AGFG2: variants seen among roughly 807,000 people sequenced by gnomAD.
AGFG2 encodes ArfGAP with FG repeats 2, also known as arf-GAP domain and FG repeat-containing protein 2.
Under a neutral mutation model 48.0 loss-of-function variants are expected in AGFG2, and 31 were observed. That is an observed-to-expected ratio of 0.65 (90% CI 0.49 to 0.87). The LOEUF (loss-of-function observed/expected upper bound fraction) is 0.87. AGFG2 is among the 40% of genes least tolerant of loss of function. AGFG2 has a pLI of 0.00. For missense variants in AGFG2, 599 were observed against 632.6 expected, an observed-to-expected ratio of 0.95 and a Z score of 0.57; for synonymous variants, 229 against 260.8, an observed-to-expected ratio of 0.88 and a Z score of 1.18.
At position 100,548,875 on chromosome 7, in the gene AGFG2, C is replaced by T; in HGVS notation, c.275C>T (p.Thr92Ile). Reference protein sequence around the residue: ...RVKSISMTTFTEPEVVFLQSR... With the variant: ...RVKSISMTTFIEPEVVFLQSR... ...AAGTCAATCTCCATGACAACTTTCACTGAGCCTGAAGTAGTATTCCTGCAA... is the reference window on the plus strand; with the variant it reads ...AAGTCAATCTCCATGACAACTTTCATTGAGCCTGAAGTAGTATTCCTGCAA... Residue 92 changes from threonine to isoleucine, a missense_variant, in exon 2 of 12, where the codon ACT becomes ATT. Transcript: ENST00000300176. 6.2e-7 allele frequency: 1 copy of T among 1,613,846 alleles called. No individual in the cohort carries two copies. The highest frequency in any genetic ancestry group is 8.5e-7 in the Non-Finnish European group (1 of 1,179,854).
chr7:100,558,829 C>G (rs1800810747), intron 6 of AGFG2, among the ~76,000 whole-genome samples: 1 of 152,134 alleles, frequency 6.6e-6, no homozygotes, highest in Non-Finnish European at 1.5e-5. Flanking sequence ...TGTCCACTAT[C>G]TGGCTGTCTC....
At position 100,562,509 on chromosome 7, in the gene AGFG2, G is replaced by C; in HGVS notation, c.999-85G>C. On this transcript the variant is annotated intron_variant, in intron 7 of 11. Transcript: ENST00000300176. The surrounding 1 kb of genome is among the most constrained non-coding windows in gnomAD (Gnocchi z 5.4). The stretch of plus-strand genomic sequence containing the variant: ...CCTCCTCTCCCTTACTCACCCTGGA[G>C]AGCAGGGTTGGCATCTCCTGGCCCC... The C allele has an allele frequency of 1.9e-6, 3 of 1,604,408 alleles. No homozygotes were observed. Among genetic ancestry groups the C allele is most frequent in the Non-Finnish European group, 2.6e-6 (3 of 1,174,100 alleles).
At chr7:100,545,552 G>T (rs1800495185) in intron 1 of AGFG2, among the ~76,000 whole-genome samples, 1 of 152,168 alleles carries the variant, frequency 6.6e-6, no homozygotes, top group Non-Finnish European at 1.5e-5. Context: ...CTGGCTGGAG[G>T]CTTGAGTCCT....
chr7:100,553,883 G>A (rs533696030), intron 4 of AGFG2, among the ~76,000 whole-genome samples: 1 of 152,308 alleles, frequency 6.6e-6, no homozygotes, highest in African/African-American at 2.4e-5. Flanking sequence ...AAAATGTGTG[G>A]TTCTTGGAGC....
In AGFG2 at chr7:100,562,869, C is replaced by T. The variant is rs34731997; in HGVS notation, c.1094C>T (p.Thr365Ile). The T allele has an allele frequency of 6.2e-7, 1 of 1,614,132 alleles. No homozygotes were observed. Among genetic ancestry groups the T allele is most frequent in the Non-Finnish European group, 8.5e-7 (1 of 1,179,968 alleles). ...CCCCATTCCACCTGGGCAGCCTTCA[C>T]TAACCCTTTCACAGCTCCCGCCGCC... ...SSTGLAFGAF[T>I]NPFTAPAAQS... The change falls in exon 9 of 12, where the codon ACT becomes ATT. Residue 365 changes from threonine to isoleucine, a missense_variant. Transcript: ENST00000300176. This position sits in a 1 kb window ranked among gnomAD's most constrained non-coding sequence, Gnocchi z 5.4.
Position 100,562,312 on chromosome 7 carries a change from C to G in AGFG2, c.931C>G (p.Pro311Ala). Residue 311 changes from proline to alanine, a missense_variant, in exon 7 of 12, where the codon CCA (proline) becomes GCA (alanine). By Grantham distance (27) the Pro-to-Ala change is conservative. Coordinates refer to ENST00000300176, the MANE Select transcript of AGFG2 (RefSeq NM_006076.5). This position sits in a 1 kb window ranked among gnomAD's most constrained non-coding sequence, Gnocchi z 5.4. ...GATPLAPASQPNSLADVGSFL... is the reference protein window; with the variant it reads ...GATPLAPASQANSLADVGSFL... ...CACTCCCCTGGCACCCGCCAGTCAG[C>G]CAAACAGCCTCGCAGACGTGGGCAG... 1 of 1,614,132 alleles carries G rather than the reference C, an allele frequency of 6.2e-7. No individual in the cohort carries two copies. The highest frequency in any genetic ancestry group is 8.5e-7 in the Non-Finnish European group (1 of 1,180,020).
chr7:100,559,739 GC>G (rs1800825030), intron 6 of AGFG2, among the ~76,000 whole-genome samples: 1 of 151,262 alleles, frequency 6.6e-6, no homozygotes, highest in African/African-American at 2.4e-5. Flanking sequence ...AATCAGCTGA[GC>G]CCTGAAGGTC....
chr7:100,555,491 T>C, intron 5 of AGFG2, 119 bp from the exon 6 acceptor site: 1 of 1,130,736 alleles, frequency 8.8e-7, no homozygotes. Context: ...CAGGCTGGTC[T>C]TGAACTTCTG....
intron 1 of AGFG2, among the ~76,000 whole-genome samples, chr7:100,546,519 T>G (rs962453084): frequency 3.9e-5 from 6 of 152,346 alleles, no homozygotes; most frequent in African/African-American, 1.4e-4. Flanking sequence ...AGAAGTACCT[T>G]TGTCCAGGCT....
In AGFG2 at chr7:100,563,911, T is replaced by C; in HGVS notation, c.1249T>C (p.Phe417Leu). ...VPPTGAFASSFPAPLFPPQTP... is the reference protein window; with the variant it reads ...VPPTGAFASSLPAPLFPPQTP... ...ACCCACTGGGGCCTTTGCCAGCTCC[T>C]TCCCAGCACCGCTGTTCCCCCCGCA... Residue 417 changes from phenylalanine to leucine, a missense_variant, in exon 10 of 12, where the codon TTC becomes CTC. Physicochemically the swap from Phe to Leu is conservative, Grantham distance 22. Coordinates refer to ENST00000300176, the MANE Select transcript of AGFG2 (RefSeq NM_006076.5). The C allele has an allele frequency of 6.2e-7, 1 of 1,609,752 alleles. No individual in the cohort carries two copies. The highest frequency in any genetic ancestry group is 1.1e-5 in the South Asian group (1 of 91,020).
At chr7:100,560,749 C>T in intron 6 of AGFG2, among the ~76,000 whole-genome samples, 1 of 151,730 alleles carries the variant, frequency 6.6e-6, no homozygotes, top group East Asian at 1.9e-4. Context: ...TCAGCTTCAC[C>T]CATTTAGGGC....
At chr7:100,555,359 C>T (rs186550166) in intron 5 of AGFG2, among the ~76,000 whole-genome samples, 7 of 148,348 alleles carry the variant, frequency 4.7e-5, no homozygotes, top group Non-Finnish European at 7.4e-5. Flanking sequence ...CTGCTAGCTC[C>T]ACCTCCCAGG....
rs1800938625 is a variant in AGFG2 at position 100,563,936 on chromosome 7, A to T, written c.1274A>T (p.Gln425Leu). The T allele has an allele frequency of 1.2e-6, 2 of 1,608,514 alleles. 1 individual carries two copies. Among genetic ancestry groups the T allele is most frequent in the South Asian group, 2.2e-5 (2 of 91,004 alleles). ...TTCCCAGCACCGCTGTTCCCCCCGC[A>T]GACCCCGCTTGTTCAGCAGCAGAAT... ...SSFPAPLFPP[Q>L]TPLVQQQNGS... The change falls in exon 10 of 12, where the codon CAG becomes CTG. Residue 425 changes from glutamine (Q) to leucine (L), a missense_variant. Coordinates refer to ENST00000300176, the MANE Select transcript of AGFG2 (RefSeq NM_006076.5).
Position 100,562,528 on chromosome 7 carries a change from T to A in AGFG2, c.999-66T>A. ...CCTGGAGAGCAGGGTTGGCATCTCC[T>A]GGCCCCTTGCTCAGGTTTGATTGGC... On this transcript the variant is annotated intron_variant, in intron 7 of 11. Transcript: ENST00000300176. This position sits in a 1 kb window ranked among gnomAD's most constrained non-coding sequence, Gnocchi z 5.4. 3 of 1,610,358 alleles carry A rather than the reference T, an allele frequency of 1.9e-6. No individual in the cohort carries two copies. The highest frequency in any genetic ancestry group is 2.2e-5 in the South Asian group (2 of 90,736).
rs1029443369 is a variant in AGFG2, at chr7:100,539,447, G to A, written c.101G>A (p.Arg34Gln). The A allele has an allele frequency of 6.0e-6, 8 of 1,324,686 alleles. No homozygotes were observed. The highest frequency in any genetic ancestry group is 1.5e-5 in the African/African-American group (1 of 65,054). The allele number at this position is 1,324,686 out of a possible 1,614,324, so 82.1% of individuals were successfully genotyped here. The change falls in exon 1 of 12, where the codon CGG becomes CAG. Residue 34 changes from arginine (R) to glutamine (Q), a missense_variant. Physicochemically the swap from Arg to Gln is conservative, Grantham distance 43. Coordinates refer to ENST00000300176, the MANE Select transcript of AGFG2 (RefSeq NM_006076.5). Reference sequence around the variant, plus strand: ...TCGGAGGTGTGGTGCCGTCGGGTGCGGGAGCTGGGTGGCTGCAGCCAGGCC... The same window carrying A: ...TCGGAGGTGTGGTGCCGTCGGGTGCAGGAGCTGGGTGGCTGCAGCCAGGCC... ...AASEVWCRRVRELGGCSQAGN... is the reference protein window; with the variant it reads ...AASEVWCRRVQELGGCSQAGN...
intron 6 of AGFG2, among the ~76,000 whole-genome samples, chr7:100,560,684 CT>C (rs1043747436): frequency 1.6e-4 from 24 of 152,128 alleles, no homozygotes; most frequent in African/African-American, 5.3e-4. Context: ...GGGAGCGGGG[CT>C]TCAGGACCTG....
chr7:100,562,422 C>G lies in AGFG2; in HGVS notation c.998+43C>G, dbSNP rs368647785. On this transcript the variant is annotated intron_variant, in intron 7 of 11. Coordinates refer to ENST00000300176, the MANE Select transcript of AGFG2 (RefSeq NM_006076.5). The surrounding 1 kb of genome is among the most constrained non-coding windows in gnomAD (Gnocchi z 5.4). ...GCAGTCTGCTGTAGGGCAGGAGAGCCGCCCGAAGCCTGGCCATGTTCCTCC... is the reference window on the plus strand; with the variant it reads ...GCAGTCTGCTGTAGGGCAGGAGAGCGGCCCGAAGCCTGGCCATGTTCCTCC... 1.2e-6 allele frequency: 2 copies of G among 1,607,608 alleles called. No individual in the cohort carries two copies. Among genetic ancestry groups the G allele is most frequent in the Admixed American group, 3.3e-5 (2 of 59,808 alleles).
chr7:100,560,760 C>T (rs1004034310), intron 6 of AGFG2, among the ~76,000 whole-genome samples: 2 of 151,584 alleles, frequency 1.3e-5, no homozygotes, highest in Admixed American at 6.6e-5. Flanking sequence ...CATTTAGGGC[C>T]CGGGTCGCTG....
chr7:100,539,311 G>A lies in AGFG2; in HGVS notation c.-36G>A. 7.8e-7 allele frequency: 1 copy of A among 1,277,894 alleles called. No homozygotes were observed. The highest frequency in any genetic ancestry group is 9.9e-7 in the Non-Finnish European group (1 of 1,008,974). The allele number at this position is 1,277,894 out of a possible 1,614,324, so 79.2% of individuals were successfully genotyped here. ...GCGGGAAGGCGGCAGTGGTTGAAGGGGTGATTGCTGACTAGCGGGGAGGGA... is the reference window on the plus strand; with the variant it reads ...GCGGGAAGGCGGCAGTGGTTGAAGGAGTGATTGCTGACTAGCGGGGAGGGA... On this transcript the variant is annotated 5_prime_UTR_variant, in exon 1 of 12. Transcript: ENST00000300176.
Sources: gnomAD v4.1 joint callset for allele counts (sites outside exome capture counted in the v4.1 genomes callset) on GRCh38, gnomAD v4.1.1 for gene constraint, Gnocchi (gnomAD v3.1) non-coding constraint, MANE v1.5 for transcripts, NCBI Gene and HGNC (gene_info 2026-07-23, HGNC 2026-07-21) for gene names.